CFAP54: variants seen among roughly 807,000 people sequenced by gnomAD.
CFAP54 encodes cilia and flagella associated protein 54, also known as cilia- and flagella-associated protein 54.
A neutral mutation model predicts 370.4 loss-of-function variants in CFAP54; 290 were observed. That is an observed-to-expected ratio of 0.78 (90% CI 0.71 to 0.86). CFAP54 has a LOEUF of 0.86. Ranked by LOEUF, CFAP54 falls within the 40% of genes least tolerant of loss-of-function variation. CFAP54 has a pLI of 0.00. For missense variants in CFAP54, 3,399 were observed against 3,528.7 expected (o/e 0.96, Z 0.93); for synonymous variants, 1,206 against 1,236.5 (o/e 0.98, Z 0.52).
chr12:96,501,973 G>A (rs998736510), intron 2 of CFAP54, among the ~76,000 whole-genome samples: 1 of 152,178 alleles, frequency 6.6e-6, no homozygotes, highest in African/African-American at 2.4e-5. Flanking sequence ...TGGAATAAGA[G>A]TTTTGACAAG....
intron 63 of CFAP54, 118 bp from the exon 64 acceptor site, chr12:96,811,618 C>G: frequency 1.8e-6 from 1 of 562,710 alleles, no homozygotes; most frequent in South Asian, 2.8e-5. Flanking sequence ...CAATTTTTCT[C>G]TTCTAAACAA....
intron 36 of CFAP54, among the ~76,000 whole-genome samples, chr12:96,657,065 T>G (rs1432489410): frequency 6.6e-6 from 1 of 152,230 alleles, no homozygotes; most frequent in Non-Finnish European, 1.5e-5. Context: ...GTTTATCCTC[T>G]ACTTTTGTTG....
chr12:96,792,670 G>A (rs939364392), intron 63 of CFAP54, among the ~76,000 whole-genome samples, 171 bp downstream of exon 63: 2 of 152,104 alleles, frequency 1.3e-5, no homozygotes, highest in Non-Finnish European at 1.5e-5. Context: ...AGAAATCGGG[G>A]AAAGTCTGAT....
At chr12:96,743,687 A>T in intron 53 of CFAP54, 44 bp from the exon 54 acceptor site, 1 of 1,550,604 alleles carries the variant, frequency 6.4e-7, no homozygotes, top group Non-Finnish European at 8.8e-7. Flanking sequence ...TGTTTCAGTG[A>T]ATTGGAAACA....
At chr12:96,872,407 ATTGTTCTAT>A (rs1448624978) in intron 67 of CFAP54, among the ~76,000 whole-genome samples, 20 of 152,194 alleles carry the variant, frequency 1.3e-4, no homozygotes, top group South Asian at 1.0e-3. Flanking sequence ...GAAAACAGAG[ATTGTTCTAT>A]TTTAAATAAA....
At chr12:96,826,412 CA>C (rs1332847789) in intron 65 of CFAP54, among the ~76,000 whole-genome samples, 2 of 123,690 alleles carry the variant, frequency 1.6e-5, no homozygotes, top group African/African-American at 6.1e-5. Flanking sequence ...ATATATATAA[CA>C]AACATATATA....
intron 63 of CFAP54, among the ~76,000 whole-genome samples, chr12:96,804,617 A>G (rs1370364297): frequency 1.3e-5 from 2 of 152,176 alleles, no homozygotes; most frequent in Non-Finnish European, 1.5e-5. Flanking sequence ...GAAAGTGTAG[A>G]TGACACAAAC....
At chr12:96,616,136 G>A (rs895469864) in intron 26 of CFAP54, among the ~76,000 whole-genome samples, 2 of 152,142 alleles carry the variant, frequency 1.3e-5, no homozygotes, top group African/African-American at 2.4e-5. Flanking sequence ...ATGATAGATT[G>A]GATTAAGAAA....
At chr12:96,601,484 A>T (rs1331710874) in intron 26 of CFAP54, among the ~76,000 whole-genome samples, 1 of 152,186 alleles carries the variant, frequency 6.6e-6, no homozygotes, top group Non-Finnish European at 1.5e-5. Flanking sequence ...TGAGTTAGGG[A>T]GGATTCCCTC....
chr12:96,611,701 T>C (rs774676231), intron 26 of CFAP54, among the ~76,000 whole-genome samples: 3 of 152,186 alleles, frequency 2.0e-5, no homozygotes, highest in East Asian at 3.8e-4. Flanking sequence ...AATGACCTGA[T>C]GGAGCTGAAA....
At position 96,601,904 on chromosome 12, in the gene CFAP54, C is replaced by T. The variant is rs951396794; in HGVS notation, c.3639+3137C>T. On this transcript the variant is annotated intron_variant, in intron 26 of 67. Coordinates refer to ENST00000524981, the MANE Select transcript of CFAP54 (RefSeq NM_001306084.2). ...CAATTCTGTTGATCTTTTCAAAAAA[C>T]GAGCTCCTGGATTCATTGATTTTTT... Among the ~76,000 whole-genome samples the T allele has an allele frequency of 3.9e-5, 6 of 152,148 alleles. No individual in the cohort carries two copies. The South Asian group carries it at 6.2e-4, about 16-fold the overall frequency.
intron 55 of CFAP54, among the ~76,000 whole-genome samples, chr12:96,748,332 T>G (rs2136650017): frequency 6.6e-6 from 1 of 152,312 alleles, no homozygotes; most frequent in South Asian, 2.1e-4. Flanking sequence ...TGCTTTTCCT[T>G]TAAACTAGTT....
chr12:96,721,840 A>G (rs1957757637), intron 50 of CFAP54, among the ~76,000 whole-genome samples: 2 of 152,208 alleles, frequency 1.3e-5, no homozygotes, highest in South Asian at 2.1e-4. Context: ...TAAACTATAA[A>G]CACAAGTAAA....
At chr12:96,645,302 A>G (rs181965735) in intron 33 of CFAP54, 4,358 of 356,390 alleles carry the variant, frequency 0.012, 43 homozygotes, top group Non-Finnish European at 0.016. Flanking sequence ...TTATACACCA[A>G]TAACAGACAA....
At chr12:96,799,071 A>G (rs981176204) in intron 63 of CFAP54, among the ~76,000 whole-genome samples, 1 of 152,204 alleles carries the variant, frequency 6.6e-6, no homozygotes, top group Non-Finnish European at 1.5e-5. Context: ...ATCTATATCC[A>G]TATGGATGGA....
chr12:96,500,726 C>A, intron 1 of CFAP54, 108 bp from the exon 2 acceptor site: 1 of 618,090 alleles, frequency 1.6e-6, no homozygotes, highest in Non-Finnish European at 2.7e-6. Flanking sequence ...AACAATAAGG[C>A]ACATTGGAAA....
chr12:96,743,855 CA>C lies in CFAP54; in HGVS notation c.7507del (p.Thr2503GlnfsTer4). The C allele has an allele frequency of 6.2e-7, 1 of 1,613,670 alleles. No homozygotes were observed. The highest frequency in any genetic ancestry group is 8.5e-7 in the Non-Finnish European group (1 of 1,179,860). ...GAGAAATTCAAGGAATCTCCCTCTT[CA>C]AAAACAGGAAAATTAAATTTGTTAA... ...KAEKFKESPS[S>X]KTGKLNLLTR... On this transcript the variant is annotated frameshift_variant, in exon 54 of 68. Transcript: ENST00000524981. LOFTEE classifies it high-confidence loss of function.
At chr12:96,678,438 G>T (rs1195011563) in intron 39 of CFAP54, among the ~76,000 whole-genome samples, 1 of 152,042 alleles carries the variant, frequency 6.6e-6, no homozygotes, top group Non-Finnish European at 1.5e-5. Context: ...TTTTAGTAGA[G>T]ACGGGGTTTC....
At chr12:96,675,795 G>C (rs1270340971) in intron 39 of CFAP54, among the ~76,000 whole-genome samples, 1 of 152,050 alleles carries the variant, frequency 6.6e-6, no homozygotes, top group South Asian at 2.1e-4. Flanking sequence ...GTAGGGACAT[G>C]GATGAAGCTG....
Sources: gnomAD v4.1 joint callset for allele counts (sites outside exome capture counted in the v4.1 genomes callset) on GRCh38, gnomAD v4.1.1 for gene constraint, MANE v1.5 for transcripts, NCBI Gene and HGNC (gene_info 2026-07-23, HGNC 2026-07-21) for gene names.